Variants in GRIN2A observed in about 807,000 individuals in gnomAD.
GRIN2A encodes the protein glutamate ionotropic receptor NMDA type subunit 2A.
GRIN2A carries 22 observed loss-of-function variants against 113.4 expected under a neutral mutation model. The ratio of observed to expected loss-of-function variants is 0.19; its 90% CI spans 0.14 to 0.28. The LOEUF (loss-of-function observed/expected upper bound fraction) is 0.28. Among genes scored for constraint, GRIN2A ranks in the 10% least tolerant of loss-of-function variants. The probability of loss-of-function intolerance (pLI) is 1.00; values close to 1 mark genes in which losing one functional copy is unlikely to be tolerated. For synonymous variants in GRIN2A, 827 were observed against 738.4 expected, an observed-to-expected ratio of 1.12 and a Z score of -1.94; for missense variants, 1,502 against 1,887.0, an observed-to-expected ratio of 0.80 and a Z score of 3.78.
At chr16:9,799,712 C>G (rs894546745) in intron 10 of GRIN2A, among the ~76,000 whole-genome samples, 3 of 152,204 alleles carry the variant, frequency 2.0e-5, no homozygotes, top group Admixed American at 6.5e-5. Context: ...GCTTTCTTCT[C>G]TCATTCCATA....
At chr16:10,129,648 A>G (rs1346705831) in intron 2 of GRIN2A, among the ~76,000 whole-genome samples, 1 of 152,208 alleles carries the variant, frequency 6.6e-6, no homozygotes, top group East Asian at 1.9e-4. Context: ...GGACCAAGGG[A>G]AAAGAGAGCA....
At chr16:9,975,768 C>A (rs2045762208) in intron 2 of GRIN2A, among the ~76,000 whole-genome samples, 1 of 152,170 alleles carries the variant, frequency 6.6e-6, no homozygotes. Flanking sequence ...TCTCTACCTA[C>A]AAGAGATGTA....
chr16:9,872,013 T>C (rs1204349200), intron 4 of GRIN2A, among the ~76,000 whole-genome samples: 1 of 152,178 alleles, frequency 6.6e-6, no homozygotes, highest in Non-Finnish European at 1.5e-5. Flanking sequence ...TTCTCATTTA[T>C]AAAATAGGGG....
intron 2 of GRIN2A, among the ~76,000 whole-genome samples, chr16:10,153,032 T>C (rs2049616402): frequency 6.6e-6 from 1 of 152,206 alleles, no homozygotes; most frequent in Admixed American, 6.5e-5. Flanking sequence ...TATGCATTTG[T>C]TCAAACCCAT....
intron 2 of GRIN2A, among the ~76,000 whole-genome samples, chr16:9,942,570 G>A (rs923936283): frequency 1.3e-5 from 2 of 152,036 alleles, no homozygotes; most frequent in South Asian, 2.1e-4. Context: ...CCACATCCTC[G>A]GTCCTACAGA....
chr16:10,127,975 G>T (rs1325195637), intron 2 of GRIN2A, among the ~76,000 whole-genome samples: 3 of 152,124 alleles, frequency 2.0e-5, no homozygotes, highest in African/African-American at 4.8e-5. Flanking sequence ...GAATCACATA[G>T]CATGAGCTCA....
intron 10 of GRIN2A, among the ~76,000 whole-genome samples, chr16:9,819,489 T>C (rs1442182410): frequency 1.3e-5 from 2 of 149,374 alleles, no homozygotes; most frequent in African/African-American, 5.0e-5. Flanking sequence ...ACTACTGTAC[T>C]CCAACCTGGG....
chr16:9,850,496 A>G (rs2042864154), intron 4 of GRIN2A, among the ~76,000 whole-genome samples: 1 of 152,206 alleles, frequency 6.6e-6, no homozygotes, highest in East Asian at 1.9e-4. Context: ...TATTGTTTCT[A>G]AGTATAAAGG....
chr16:9,937,602 G>C, intron 3 of GRIN2A: 1 of 281,690 alleles, frequency 3.5e-6, no homozygotes, highest in Non-Finnish European at 6.8e-6. Context: ...AGAATGTGAT[G>C]AGGGCTATGA....
intron 2 of GRIN2A, among the ~76,000 whole-genome samples, chr16:10,064,390 C>T (rs916030245): frequency 6.6e-6 from 1 of 152,200 alleles, no homozygotes; most frequent in Non-Finnish European, 1.5e-5. Flanking sequence ...GGACTGAGGT[C>T]TTGCCTGATT....
intron 2 of GRIN2A, among the ~76,000 whole-genome samples, chr16:9,941,350 G>A (rs545140526): frequency 3.7e-4 from 56 of 152,298 alleles, no homozygotes; most frequent in East Asian, 2.5e-3. Flanking sequence ...GTAAGCACAC[G>A]CATCTTATCT....
chr16:10,082,756 G>C (rs746700356), intron 2 of GRIN2A, among the ~76,000 whole-genome samples: 1 of 152,164 alleles, frequency 6.6e-6, no homozygotes, highest in African/African-American at 2.4e-5. Context: ...GTGGTCGGTT[G>C]TTACACAGCA....
In GRIN2A at chr16:9,844,030, T is replaced by G. The variant is rs77910501; in HGVS notation, c.1329-2926A>C. The stretch of plus-strand genomic sequence containing the variant: ...CGCTGTTGGCCATGCACTGATGCCC[T>G]TTCCCTACCTCTGTTCATTTGTATC... On this transcript the variant is annotated intron_variant, in intron 5 of 12. Coordinates refer to ENST00000330684, the MANE Select transcript of GRIN2A (RefSeq NM_001134407.3). 9.8e-3 allele frequency among the ~76,000 whole-genome samples: 1,499 copies of G among 152,302 alleles called. 32 individuals are homozygous for G. The highest frequency in any genetic ancestry group is 0.035 in the African/African-American group (1,440 of 41,558).
At chr16:10,152,968 AT>A (rs538193632) in intron 2 of GRIN2A, among the ~76,000 whole-genome samples, 1,950 of 152,160 alleles carry the variant, frequency 0.013, 36 homozygotes, top group African/African-American at 0.045. Flanking sequence ...AACATAGATG[AT>A]TTTTTTTCAT....
chr16:9,946,767 G>C (rs545127274), intron 2 of GRIN2A, among the ~76,000 whole-genome samples: 14 of 152,264 alleles, frequency 9.2e-5, no homozygotes, highest in African/African-American at 2.9e-4. Flanking sequence ...ACTTGAACTT[G>C]GATGGATGTT....
chr16:10,165,004 A>G (rs1365294599), intron 2 of GRIN2A, among the ~76,000 whole-genome samples: 2 of 152,222 alleles, frequency 1.3e-5, no homozygotes, highest in African/African-American at 4.8e-5. Context: ...GGAACAAATT[A>G]ACGGAACCTT....
intron 2 of GRIN2A, among the ~76,000 whole-genome samples, chr16:10,171,235 A>G (rs1484650616): frequency 6.6e-6 from 1 of 152,208 alleles, no homozygotes; most frequent in Admixed American, 6.5e-5. Context: ...ACAATGCACA[A>G]ATTACTGCAA....
At chr16:9,869,848 G>A (rs542626424) in intron 4 of GRIN2A, among the ~76,000 whole-genome samples, 2 of 152,338 alleles carry the variant, frequency 1.3e-5, no homozygotes, top group South Asian at 2.1e-4. Flanking sequence ...GCAGTCAGAT[G>A]TCTGGCCCAC....
intron 4 of GRIN2A, among the ~76,000 whole-genome samples, chr16:9,859,299 C>G (rs1212769644): frequency 6.6e-6 from 1 of 152,060 alleles, no homozygotes; most frequent in Admixed American, 6.6e-5. Flanking sequence ...CAAACTTCCT[C>G]TTGTGTATAG....
Sources: allele counts gnomAD v4.1 joint callset (sites outside exome capture counted in the v4.1 genomes callset), GRCh38; gene constraint gnomAD v4.1.1; transcripts MANE v1.5; gene names NCBI Gene and HGNC (gene_info 2026-07-23, HGNC 2026-07-21).